Variants in ABCA5 observed in about 807,000 individuals in gnomAD.
The protein encoded by ABCA5 is ATP binding cassette subfamily A member 5.
ABCA5 carries 163 observed loss-of-function variants against 206.0 expected under a neutral mutation model. The observed-to-expected ratio is 0.79, with a 90% CI of 0.70 to 0.90. ABCA5 has a LOEUF of 0.90. Ranked by LOEUF, ABCA5 falls within the 40% of genes least tolerant of loss-of-function variation. The pLI is 0.00. For synonymous variants in ABCA5, 609 were observed against 613.8 expected, an observed-to-expected ratio of 0.99 and a Z score of 0.11; for missense variants, 1,859 against 1,912.9, an observed-to-expected ratio of 0.97 and a Z score of 0.53.
chr17:69,270,691 C>A lies in ABCA5; in HGVS notation c.2952G>T (p.Val984=). ...STMVYSLPIL[V]NIISNYYLYH... ...AAAGATAGTAGTTACTAATGATATT[C>A]ACTAATATAGGTAAAGAATAAACCA... Residue 984 remains valine (V), a synonymous_variant, in exon 22 of 39, where the codon GTG becomes GTT. Coordinates refer to ENST00000392676, the MANE Select transcript of ABCA5 (RefSeq NM_172232.4). 1 of 1,600,740 alleles carries A rather than the reference C, an allele frequency of 6.2e-7. No homozygotes were observed. Among genetic ancestry groups the A allele is most frequent in the Non-Finnish European group, 8.5e-7 (1 of 1,174,242 alleles).
intron 1 of ABCA5, among the ~76,000 whole-genome samples, chr17:69,320,144 A>G (rs187733264): frequency 3.9e-5 from 6 of 152,374 alleles, no homozygotes; most frequent in Admixed American, 1.3e-4. Flanking sequence ...GTATAAAAGT[A>G]TAACTAATAT....
chr17:69,300,884 G>A (rs545978240), intron 9 of ABCA5, among the ~76,000 whole-genome samples: 2 of 152,232 alleles, frequency 1.3e-5, no homozygotes, highest in Admixed American at 1.3e-4. Flanking sequence ...CTGATATAAA[G>A]AAGGACCAAG....
chr17:69,291,186 G>GT (rs34164530), intron 12 of ABCA5, 30 bp downstream of exon 12: 555,153 of 1,365,168 alleles, frequency 0.41, 94,520 homozygotes, highest in Middle Eastern at 0.49. Context: ...ATATAATGAA[G>GT]TTTTTTTTTC....
chr17:69,278,910 C>G (rs2075361331), intron 18 of ABCA5, among the ~76,000 whole-genome samples: 1 of 151,140 alleles, frequency 6.6e-6, no homozygotes, highest in Admixed American at 6.6e-5. Flanking sequence ...CTATCTATGA[C>G]AAACCCACAG....
intron 19 of ABCA5, among the ~76,000 whole-genome samples, chr17:69,275,152 T>G (rs1043094773): frequency 1.3e-5 from 2 of 152,122 alleles, no homozygotes; most frequent in African/African-American, 4.8e-5. Context: ...CCCCATTTAC[T>G]TTTCACGTAA....
At chr17:69,258,882 G>C (rs2075113471) in intron 28 of ABCA5, among the ~76,000 whole-genome samples, 1 of 152,068 alleles carries the variant, frequency 6.6e-6, no homozygotes, top group African/African-American at 2.4e-5. Context: ...TGTAAGCAAG[G>C]CTGGATAGAA....
intron 10 of ABCA5, among the ~76,000 whole-genome samples, chr17:69,296,096 G>C (rs778625126): frequency 5.3e-5 from 8 of 152,038 alleles, no homozygotes; most frequent in Non-Finnish European, 1.2e-4. Context: ...TCAAACACTT[G>C]TTACATCAGT....
chr17:69,298,284 GGAGGGAGGGGA>G (rs1567774637), intron 9 of ABCA5, among the ~76,000 whole-genome samples: 32 of 77,716 alleles, frequency 4.1e-4, no homozygotes, highest in South Asian at 1.1e-3. Flanking sequence ...AGGAAGGAAG[GGAGGGAGGGGA>G]AAGAGAAAGA....
chr17:69,285,336 A>AT (rs1158082106), intron 17 of ABCA5: 1 of 151,936 alleles, frequency 6.6e-6, no homozygotes, highest in Admixed American at 6.6e-5. Context: ...AAAAACAAGT[A>AT]TTTTTCTGAT....
At position 69,298,282 on chromosome 17, in the gene ABCA5, AG is replaced by A. The variant is rs1567774620; in HGVS notation, c.1268-924del. Reference sequence around the variant, plus strand: ...AAGGAAGGAAGGAAGGAAGGAAGGAAGGGAGGGAGGGGAAAGAGAAAGAAAG... The same window carrying A: ...AAGGAAGGAAGGAAGGAAGGAAGGAAGGAGGGAGGGGAAAGAGAAAGAAAG... On this transcript the variant is annotated intron_variant, in intron 9 of 38. Transcript: ENST00000392676. Among the ~76,000 whole-genome samples the A allele has an allele frequency of 1.5e-3, 152 of 98,492 alleles. 3 individuals are homozygous for A. In the East Asian group the frequency reaches 0.02, roughly 13 times the overall value. The allele number at this position is 98,492 out of a possible 152,430, so 64.6% of individuals were successfully genotyped here.
At chr17:69,269,441 G>A (rs776870480) in intron 22 of ABCA5, among the ~76,000 whole-genome samples, 1 of 152,162 alleles carries the variant, frequency 6.6e-6, no homozygotes, top group Non-Finnish European at 1.5e-5. Flanking sequence ...CACAGACACT[G>A]CTGCTGGAAA....
At chr17:69,288,714 AAAAAGAAG>A (rs1415503982) in intron 14 of ABCA5, among the ~76,000 whole-genome samples, 2 of 81,332 alleles carry the variant, frequency 2.5e-5, no homozygotes, top group Non-Finnish European at 4.7e-5. Context: ...AATTAAAAAA[AAAAAGAAG>A]AAAGAAAGAA....
At chr17:69,253,491 ATAAC>A (rs1198373088) in intron 34 of ABCA5, 78 bp downstream of exon 34, 11 of 847,784 alleles carry the variant, frequency 1.3e-5, no homozygotes, top group Admixed American at 7.3e-5. Flanking sequence ...AGATGTACAT[ATAAC>A]TAACATTAAA....
chr17:69,255,720 A>T lies in ABCA5; in HGVS notation c.3976+13T>A. On this transcript the variant is annotated intron_variant, in intron 30 of 38. Coordinates refer to ENST00000392676, the MANE Select transcript of ABCA5 (RefSeq NM_172232.4). Reference sequence around the variant, plus strand: ...TTCTAGAAAAGTTATGTAAGGAAAAATTAAATACCAGCCTTTTTTCACACA... The same window carrying T: ...TTCTAGAAAAGTTATGTAAGGAAAATTTAAATACCAGCCTTTTTTCACACA... 1 of 1,581,326 alleles carries T rather than the reference A, an allele frequency of 6.3e-7. No homozygotes were observed. Among genetic ancestry groups the T allele is most frequent in the Non-Finnish European group, 8.5e-7 (1 of 1,171,454 alleles).
At chr17:69,258,250 G>T (rs2075105315) in intron 28 of ABCA5, among the ~76,000 whole-genome samples, 1 of 152,060 alleles carries the variant, frequency 6.6e-6, no homozygotes, top group African/African-American at 2.4e-5. Context: ...ATTCACAATA[G>T]CAAAGTCATA....
rs1380623990 is a variant in ABCA5, at chr17:69,303,858, A to ATG, written c.930+810_930+811insCA. On this transcript the variant is annotated intron_variant, in intron 7 of 38. Coordinates refer to ENST00000392676, the MANE Select transcript of ABCA5 (RefSeq NM_172232.4). ...TATATATACATACATATATATATGT[A>ATG]TATATATATATACATATATACATAC... Among the ~76,000 whole-genome samples the ATG allele has an allele frequency of 6.8e-5, 4 of 58,842 alleles. 1 individual carries two copies. The highest frequency in any genetic ancestry group is 2.1e-4 in the African/African-American group (4 of 19,394). 38.6% of individuals were successfully genotyped at this position (58,842 alleles called of 152,430 possible). A position where few individuals can be genotyped will look rare whatever the true frequency, so the allele number is the denominator to read the frequency against.
chr17:69,278,382 C>T (rs937988089), intron 18 of ABCA5, among the ~76,000 whole-genome samples: 13 of 152,192 alleles, frequency 8.5e-5, no homozygotes, highest in African/African-American at 3.1e-4. Flanking sequence ...TGATCATACA[C>T]GAGACTTCTC....
intron 14 of ABCA5, among the ~76,000 whole-genome samples, chr17:69,288,198 TA>T (rs1459059420): frequency 2.6e-5 from 4 of 152,016 alleles, no homozygotes; most frequent in Non-Finnish European, 4.4e-5. Flanking sequence ...CTAATGAACA[TA>T]AAGCCAGGAT....
chr17:69,256,019 A>G, intron 29 of ABCA5, 138 bp downstream of exon 29: 1 of 1,238,444 alleles, frequency 8.1e-7, no homozygotes, highest in Non-Finnish European at 1.1e-6. Flanking sequence ...AAAGTAAGTA[A>G]ACGAAGTATT....
Sources: gnomAD v4.1 joint callset for allele counts (sites outside exome capture counted in the v4.1 genomes callset) on GRCh38, gnomAD v4.1.1 for gene constraint, MANE v1.5 for transcripts, NCBI Gene and HGNC (gene_info 2026-07-23, HGNC 2026-07-21) for gene names.